HMGN5: variants seen among roughly 807,000 people sequenced by gnomAD.
The protein encoded by HMGN5 is high mobility group nucleosome-binding domain-containing protein 5.
HMGN5 carries 4 observed loss-of-function variants against 9.5 expected under a neutral mutation model. That is an observed-to-expected ratio of 0.42 (90% CI 0.21 to 0.96). HMGN5 has a LOEUF of 0.96. Among genes scored for constraint, HMGN5 ranks in the 40% least tolerant of loss-of-function variants. The pLI, the probability that HMGN5 is intolerant of heterozygous loss-of-function variation, is 0.30. For missense variants in HMGN5, 192 were observed against 187.5 expected (o/e 1.02, Z -0.14); for synonymous variants, 55 against 57.1 (o/e 0.96, Z 0.16).
intron 1 of HMGN5, among the ~76,000 whole-genome samples, chrX:81,149,418 A>T (rs1490498313): frequency 8.9e-6 from 1 of 111,788 alleles, no homozygotes; most frequent in Non-Finnish European, 1.9e-5. Flanking sequence ...CATAAGAGGG[A>T]GTTGAACACA....
intron 1 of HMGN5, among the ~76,000 whole-genome samples, chrX:81,152,626 C>A (rs2075366797): frequency 9.0e-6 from 1 of 110,989 alleles, no homozygotes. Flanking sequence ...ACCATTTGAC[C>A]TAGCCATCCC....
intron 1 of HMGN5, among the ~76,000 whole-genome samples, chrX:81,188,938 C>T (rs1019837883): frequency 4.5e-5 from 5 of 110,769 alleles, no homozygotes; most frequent in African/African-American, 1.3e-4. Context: ...AATTTTTTTT[C>T]CTGTGTACTC....
chrX:81,119,567 A>T (rs745465631), intron 3 of HMGN5, among the ~76,000 whole-genome samples: 3 of 110,960 alleles, frequency 2.7e-5, no homozygotes, highest in South Asian at 3.7e-4. Flanking sequence ...TCATTTCTAT[A>T]AAAAAAAGTG....
At chrX:81,124,931 C>A (rs2075278872) in intron 1 of HMGN5, among the ~76,000 whole-genome samples, 1 of 110,237 alleles carries the variant, frequency 9.1e-6, no homozygotes. Context: ...TTAAAAATGA[C>A]ACAGGAAGAT....
At chrX:81,125,935 G>A (rs2075282219) in intron 1 of HMGN5, among the ~76,000 whole-genome samples, 1 of 110,472 alleles carries the variant, frequency 9.1e-6, no homozygotes. Context: ...ATCACCTGAG[G>A]TGAAGAGTTC....
chrX:81,196,139 A>C (rs1227781336), intron 1 of HMGN5, among the ~76,000 whole-genome samples: 3 of 111,444 alleles, frequency 2.7e-5, no homozygotes, highest in Admixed American at 1.9e-4. Context: ...GAACAACAGT[A>C]TATCCTCCAA....
chrX:81,119,526 C>T (rs746859666), intron 3 of HMGN5, among the ~76,000 whole-genome samples: 47 of 111,839 alleles, frequency 4.2e-4, no homozygotes, highest in African/African-American at 1.4e-3. Context: ...AATATTAGCA[C>T]ATCTCTATTG....
At chrX:81,176,775 G>C (rs371679066) in intron 1 of HMGN5, among the ~76,000 whole-genome samples, 10 of 111,647 alleles carry the variant, frequency 9.0e-5, no homozygotes, top group African/African-American at 3.3e-4. Context: ...AGAAATATGG[G>C]ACTATGTGAA....
chrX:81,173,801 T>C (rs2075433663), intron 1 of HMGN5, among the ~76,000 whole-genome samples: 1 of 111,986 alleles, frequency 8.9e-6, no homozygotes, highest in Non-Finnish European at 1.9e-5. Flanking sequence ...AAGTGGTAGT[T>C]ATCCAGTAAA....
intron 1 of HMGN5, among the ~76,000 whole-genome samples, chrX:81,136,140 G>T (rs1180889878): frequency 1.8e-5 from 2 of 111,459 alleles, no homozygotes; most frequent in Admixed American, 1.9e-4. Context: ...TCAGTCTCAG[G>T]TATTTTGTTA....
At chrX:81,159,564 G>A (rs967599289) in intron 1 of HMGN5, among the ~76,000 whole-genome samples, 1 of 111,490 alleles carries the variant, frequency 9.0e-6, no homozygotes, top group Non-Finnish European at 1.9e-5. Flanking sequence ...CATCTTGGGT[G>A]ATAAGATGAA....
Position 81,114,901 on chromosome X carries a change from TTCC to T in HMGN5, c.594_596del (p.Glu200del), listed in dbSNP as rs796401730. 6 of 1,161,326 alleles carry T rather than the reference TTCC, an allele frequency of 5.2e-6. No individual in the cohort carries two copies. The South Asian group carries it at 9.7e-5, about 19-fold the overall frequency. Reference sequence around the variant, plus strand: ...CATCTCCTGTTTCTTTTCTGTCTTCTTCCTCTTTTTCATCTTCTCCTTTCTCTT... The same window carrying T: ...CATCTCCTGTTTCTTTTCTGTCTTCTTCTTTTTCATCTTCTCCTTTCTCTT... On this transcript the variant is annotated inframe_deletion, in exon 7 of 7. Transcript: ENST00000358130.
intron 1 of HMGN5, among the ~76,000 whole-genome samples, chrX:81,126,839 C>A (rs2147543181): frequency 9.0e-6 from 1 of 111,681 alleles, no homozygotes; most frequent in African/African-American, 3.2e-5. Context: ...AGCAAGTCAA[C>A]ATATTCAACA....
intron 1 of HMGN5, among the ~76,000 whole-genome samples, chrX:81,199,779 A>T (rs781476900): frequency 1.4e-3 from 160 of 112,392 alleles, no homozygotes; most frequent in African/African-American, 5.1e-3. Flanking sequence ...AAAACCCTAG[A>T]AGAAGACCTA....
chrX:81,177,883 G>A lies in HMGN5; in HGVS notation c.-124+23854C>T, dbSNP rs941133094. ...AACTGTCTCTCAGACCACAGTGCAA[G>A]CAAATTAGAACTCACGATTAAGAAA... On this transcript the variant is annotated intron_variant, in intron 1 of 6. Coordinates refer to ENST00000358130, the MANE Select transcript of HMGN5 (RefSeq NM_030763.3). Among the ~76,000 whole-genome samples the A allele has an allele frequency of 5.4e-5, 6 of 111,977 alleles. No homozygotes were observed. The East Asian group carries it at 1.4e-3, about 26-fold the overall frequency.
chrX:81,163,455 T>C (rs188772969), intron 1 of HMGN5, among the ~76,000 whole-genome samples: 214 of 112,019 alleles, frequency 1.9e-3, no homozygotes, highest in Middle Eastern at 9.2e-3. Context: ...GAATCTTAAA[T>C]CAAGTTCTAG....
chrX:81,129,335 A>G (rs992821122), intron 1 of HMGN5, among the ~76,000 whole-genome samples: 1 of 103,664 alleles, frequency 9.6e-6, no homozygotes, highest in Non-Finnish European at 2.0e-5. Flanking sequence ...TTAAAAATTG[A>G]ATAGATTGAA....
intron 1 of HMGN5, among the ~76,000 whole-genome samples, chrX:81,145,000 T>C (rs2075339614): frequency 9.0e-6 from 1 of 111,524 alleles, no homozygotes; most frequent in Non-Finnish European, 1.9e-5. Flanking sequence ...TGGGACTATA[T>C]GGAAAGGCCA....
At chrX:81,191,688 C>T (rs997739630) in intron 1 of HMGN5, among the ~76,000 whole-genome samples, 2 of 111,905 alleles carry the variant, frequency 1.8e-5, no homozygotes, top group African/African-American at 6.5e-5. Flanking sequence ...TAAAATATTT[C>T]CTTAGCAAGA....
Sources: allele counts gnomAD v4.1 joint callset (sites outside exome capture counted in the v4.1 genomes callset), GRCh38; gene constraint gnomAD v4.1.1; transcripts MANE v1.5; gene names NCBI Gene and HGNC (gene_info 2026-07-23, HGNC 2026-07-21).